The following SV2A variants were observed in gnomAD, a reference collection of about 807,000 sequenced individuals.
The protein encoded by SV2A is synaptic vesicle glycoprotein 2A.
A neutral mutation model predicts 78.0 loss-of-function variants in SV2A; 25 were observed. The ratio of observed to expected loss-of-function variants is 0.32; its 90% CI spans 0.23 to 0.45. The LOEUF (loss-of-function observed/expected upper bound fraction) is 0.45, where lower values mean the gene tolerates loss of function less well. Ranked by LOEUF, SV2A falls within the 20% of genes least tolerant of loss-of-function variation. The pLI is 1.00. For synonymous variants in SV2A, 355 were observed against 384.7 expected (o/e 0.92, Z 0.90); for missense variants, 752 against 971.5 (o/e 0.77, Z 3.00).
At chr1:149,912,027 C>T in intron 2 of SV2A, 47 bp from the exon 3 acceptor site, 6 of 1,568,622 alleles carry the variant, frequency 3.8e-6, no homozygotes, top group Non-Finnish European at 5.2e-6. Flanking sequence ...GCAGACACAC[C>T]TTAATTCTCC....
intron 10 of SV2A, chr1:149,907,139 A>T (rs1440413600): frequency 2.9e-6 from 1 of 348,106 alleles, no homozygotes; most frequent in African/African-American, 2.2e-5. Context: ...AGCTGACTAT[A>T]AGCAGTAGCG....
chr1:149,911,156 T>C (rs973444362), intron 3 of SV2A, among the ~76,000 whole-genome samples, 179 bp from the exon 4 acceptor site: 4 of 152,034 alleles, frequency 2.6e-5, no homozygotes. Context: ...CTTGGGACCA[T>C]GGGAAACAGG....
chr1:149,903,524 T>A lies in SV2A; in HGVS notation c.*1490A>T, dbSNP rs1478741914. 6.6e-6 allele frequency: 1 copy of A among 152,272 alleles called. No individual in the cohort carries two copies. Among genetic ancestry groups the A allele is most frequent in the Non-Finnish European group, 1.5e-5 (1 of 68,108 alleles). The allele number at this position is 152,272 out of a possible 1,614,324, so 9.4% of individuals were successfully genotyped here. ...GGGCACACACTCATACACTGGGCAC[T>A]GGAGAAGGCAGTCTTTTGAGCACAG... On this transcript the variant is annotated 3_prime_UTR_variant, in exon 13 of 13. Coordinates refer to ENST00000369146, the MANE Select transcript of SV2A (RefSeq NM_014849.5).
At chr1:149,915,747 A>G (rs2092508608) in intron 1 of SV2A, among the ~76,000 whole-genome samples, 1 of 152,130 alleles carries the variant, frequency 6.6e-6, no homozygotes, top group African/African-American at 2.4e-5. Context: ...TGTCCCCCCA[A>G]AAAAGACATT....
At position 149,913,776 on chromosome 1, in the gene SV2A, A is replaced by C; in HGVS notation, c.65T>G (p.Val22Gly). The C allele has an allele frequency of 6.2e-7, 1 of 1,613,566 alleles. No homozygotes were observed. The highest frequency in any genetic ancestry group is 8.5e-7 in the Non-Finnish European group (1 of 1,179,868). The change falls in exon 2 of 13, where the codon GTC becomes GGC. Residue 22 changes from valine to glycine, a missense_variant. By Grantham distance (109) the Val-to-Gly change is moderately radical. Coordinates refer to ENST00000369146, the MANE Select transcript of SV2A (RefSeq NM_014849.5). ...IRGAKDIAKE[V>G]KKHAAKKVVK... ...CACCTTCTTGGCCGCATGCTTTTTG[A>C]CTTCCTTAGCAATGTCTTTGGCCCC...
chr1:149,913,483 C>T lies in SV2A; in HGVS notation c.358G>A (p.Ala120Thr), dbSNP rs1553764089. 1.9e-6 allele frequency: 3 copies of T among 1,612,882 alleles called. No homozygotes were observed. Among genetic ancestry groups the T allele is most frequent in the Admixed American group, 3.3e-5 (2 of 59,960 alleles). ...GERMADGAPL[A>T]GVRGGLSDGE... ...TCACTCAAGCCCCCCCTTACTCCAG[C>T]CAGGGGCGCCCCATCTGCCATCCGC... is the stretch of plus-strand genomic sequence containing the variant. The change falls in exon 2 of 13, where the codon GCT becomes ACT. Residue 120 changes from alanine (A) to threonine (T), a missense_variant. Coordinates refer to ENST00000369146, the MANE Select transcript of SV2A (RefSeq NM_014849.5).
rs782281403 is a variant in SV2A, at chr1:149,904,967, G to C, written c.*47C>G. The C allele has an allele frequency of 8.4e-6, 13 of 1,547,186 alleles. No homozygotes were observed. The highest frequency in any genetic ancestry group is 1.1e-5 in the Non-Finnish European group (13 of 1,142,762). On this transcript the variant is annotated 3_prime_UTR_variant, in exon 13 of 13. Transcript: ENST00000369146. ...GGGCAGGGAGGGGAAGGAAGGAGTT[G>C]TTGGTCTCACAGTGTGCCTGCCAAT...
intron 1 of SV2A, among the ~76,000 whole-genome samples, chr1:149,915,703 G>T (rs1047293250): frequency 6.6e-6 from 1 of 152,074 alleles, no homozygotes; most frequent in Non-Finnish European, 1.5e-5. Context: ...ACCGCATTGC[G>T]TAGGAGGCGG....
At chr1:149,911,533 T>C (rs1285068975) in intron 3 of SV2A, among the ~76,000 whole-genome samples, 1 of 152,164 alleles carries the variant, frequency 6.6e-6, no homozygotes, top group Non-Finnish European at 1.5e-5. Context: ...GGCCTCTTTG[T>C]GGAGGCAGGC....
chr1:149,913,156 T>G, intron 2 of SV2A, 63 bp downstream of exon 2: 1 of 1,567,304 alleles, frequency 6.4e-7, no homozygotes, highest in South Asian at 1.2e-5. Flanking sequence ...ACAAGAGCAA[T>G]TTCCAGGAGC....
Position 149,911,867 on chromosome 1 carries a change from C to T in SV2A, c.736G>A (p.Ala246Thr), listed in dbSNP as rs200101517. 5.6e-6 allele frequency: 9 copies of T among 1,614,130 alleles called. No individual in the cohort carries two copies. The highest frequency in any genetic ancestry group is 2.2e-5 in the South Asian group (2 of 91,078). Residue 246 changes from alanine to threonine, a missense_variant, in exon 3 of 13, where the codon GCC becomes ACC. Physicochemically the swap from Ala to Thr is moderately conservative, Grantham distance 58. This residue lies in a region of SV2A where 291 missense variants were observed against 359.5 expected (regional missense o/e 0.81). Transcript: ENST00000369146. ...LISLSVNSVF[A>T]FFSSFVQGYG... ...CCCTGGACAAAAGATGAGAAGAAGGCGAAGACGCTGTTGACTGAGAGCGAG... is the reference window on the plus strand; with the variant it reads ...CCCTGGACAAAAGATGAGAAGAAGGTGAAGACGCTGTTGACTGAGAGCGAG...
chr1:149,916,362 T>C (rs1553764551), intron 1 of SV2A, among the ~76,000 whole-genome samples: 3 of 152,174 alleles, frequency 2.0e-5, no homozygotes. Context: ...GACAAATTCT[T>C]TGAGCTGGTG....
At chr1:149,912,812 A>G (rs1367582504) in intron 2 of SV2A, among the ~76,000 whole-genome samples, 1 of 121,890 alleles carries the variant, frequency 8.2e-6, no homozygotes, top group Non-Finnish European at 1.7e-5. Flanking sequence ...CCCCAAACTG[A>G]CTCTCCCCAT....
rs782742097 is a variant in SV2A at position 149,905,968 on chromosome 1, C to T, written c.1957G>A (p.Ala653Thr). The change falls in exon 12 of 13, where the codon GCT becomes ACT. Residue 653 changes from alanine (A) to threonine (T), a missense_variant. Physicochemically the swap from Ala to Thr is moderately conservative, Grantham distance 58 (BLOSUM62 0). This residue lies in a region of SV2A where 186 missense variants were observed against 274.6 expected (regional missense o/e 0.68). Coordinates refer to ENST00000369146, the MANE Select transcript of SV2A (RefSeq NM_014849.5). Reference protein sequence around the residue: ...SFGNSESAMIALLCLFGGVSI... With the variant: ...SFGNSESAMITLLCLFGGVSI... ...ACCCCGCCAAAAAGGCAGAGCAGAG[C>T]GATCATGGCCGACTCACTGTTCCCA... The T allele has an allele frequency of 7.4e-6, 12 of 1,614,020 alleles. No individual in the cohort carries two copies. Among genetic ancestry groups the T allele is most frequent in the African/African-American group, 4.0e-5 (3 of 74,900 alleles).
At position 149,905,101 on chromosome 1, in the gene SV2A, T is replaced by C. The variant is rs375172296; in HGVS notation, c.2142A>G (p.Ala714=). The C allele has an allele frequency of 1.5e-5, 25 of 1,613,282 alleles. No individual in the cohort carries two copies. In the East Asian group the frequency reaches 2.5e-4, roughly 16 times the overall value. Residue 714 remains alanine (A), a synonymous_variant, in exon 13 of 13, where the codon GCA becomes GCG. Transcript: ENST00000369146. ...FTSFVGITKA[A]PILFASAALA... ...GGGCAGCTGAGGCAAAGAGGATGGG[T>C]GCAGCCTTGGTGATTCCCACGAAGG...
chr1:149,915,002 G>A (rs2092503638), intron 1 of SV2A, among the ~76,000 whole-genome samples: 1 of 152,150 alleles, frequency 6.6e-6, no homozygotes, highest in Non-Finnish European at 1.5e-5. Flanking sequence ...AGCAGGAAGG[G>A]ACACTGGCAA....
At chr1:149,917,185 C>G (rs1421735706) in intron 1 of SV2A, among the ~76,000 whole-genome samples, 1 of 151,866 alleles carries the variant, frequency 6.6e-6, no homozygotes, top group African/African-American at 2.4e-5. Flanking sequence ...CCCCCGCCAT[C>G]CATGCCCCCA....
intron 10 of SV2A, 189 bp from the exon 11 acceptor site, chr1:149,907,045 A>T (rs2092443127): frequency 1.1e-6 from 1 of 937,960 alleles, no homozygotes; most frequent in Admixed American, 6.2e-5. Context: ...GCAGAAAATG[A>T]CCATCATCTG....
At chr1:149,914,428 G>T (rs976821216) in intron 1 of SV2A, among the ~76,000 whole-genome samples, 2 of 152,100 alleles carry the variant, frequency 1.3e-5, no homozygotes, top group African/African-American at 4.8e-5. Flanking sequence ...CTCCAAAGTC[G>T]CAGTCACCTA....
Sources: allele counts gnomAD v4.1 joint callset (sites outside exome capture counted in the v4.1 genomes callset), GRCh38; gene constraint gnomAD v4.1.1; regional missense constraint gnomAD v4.1.1; transcripts MANE v1.5; gene names NCBI Gene and HGNC (gene_info 2026-07-23, HGNC 2026-07-21).